Variants in HIPK2 observed in about 807,000 individuals in gnomAD.
The protein encoded by HIPK2 is homeodomain interacting protein kinase 2.
Under a neutral mutation model 113.7 loss-of-function variants are expected in HIPK2, and 27 were observed. The ratio of observed to expected loss-of-function variants is 0.24; its 90% confidence interval spans 0.17 to 0.33. The LOEUF is 0.33. Ranked by LOEUF, HIPK2 falls within the 10% of genes least tolerant of loss-of-function variation. The probability of loss-of-function intolerance (pLI) is 1.00; values close to 1 mark genes in which losing one functional copy is unlikely to be tolerated. For missense variants in HIPK2, 1,257 were observed against 1,588.0 expected (o/e 0.79, Z 3.54); for synonymous variants, 631 against 642.2 (o/e 0.98, Z 0.26).
chr7:139,728,089 G>A (rs867875874), intron 1 of HIPK2, among the ~76,000 whole-genome samples: 8 of 151,782 alleles, frequency 5.3e-5, no homozygotes, highest in Admixed American at 6.6e-5. Context: ...ACAGGTGTGC[G>A]CCATCATGCC....
At chr7:139,766,099 G>A (rs1036221299) in intron 1 of HIPK2, among the ~76,000 whole-genome samples, 1 of 152,208 alleles carries the variant, frequency 6.6e-6, no homozygotes, top group African/African-American at 2.4e-5. Context: ...GCAGCTGGTG[G>A]TCAGGAGTCA....
chr7:139,632,716 G>C (rs1486935616), intron 2 of HIPK2, among the ~76,000 whole-genome samples: 1 of 152,184 alleles, frequency 6.6e-6, no homozygotes, highest in East Asian at 1.9e-4. Flanking sequence ...TGATTAGGTA[G>C]GGGTATGTTT....
At chr7:139,628,889 T>C in intron 5 of HIPK2, 64 bp downstream of exon 5, 1 of 1,365,736 alleles carries the variant, frequency 7.3e-7, no homozygotes, top group Non-Finnish European at 1.0e-6. Flanking sequence ...CTATTACTAT[T>C]GCAGAAGTCT....
chr7:139,635,161 C>T (rs1178954022), intron 2 of HIPK2, among the ~76,000 whole-genome samples: 2 of 152,194 alleles, frequency 1.3e-5, no homozygotes, highest in African/African-American at 2.4e-5. Context: ...GGATCAAGCA[C>T]ATTCTCACCT....
At chr7:139,609,911 G>A (rs529979162) in intron 9 of HIPK2, among the ~76,000 whole-genome samples, 15 of 152,158 alleles carry the variant, frequency 9.9e-5, no homozygotes, top group Non-Finnish European at 1.9e-4. Context: ...TCCATTTTAC[G>A]TGTGCATCAA....
intron 2 of HIPK2, among the ~76,000 whole-genome samples, chr7:139,644,990 T>C (rs1156802766): frequency 6.6e-6 from 1 of 152,390 alleles, no homozygotes; most frequent in Non-Finnish European, 1.5e-5. Context: ...CTGATTTAAA[T>C]GCAAAACTTC....
intron 12 of HIPK2, among the ~76,000 whole-genome samples, chr7:139,590,921 T>C (rs1233145268): frequency 6.6e-6 from 1 of 152,228 alleles, no homozygotes; most frequent in Non-Finnish European, 1.5e-5. Context: ...CATAGCTCAT[T>C]GCAGCCTCGA....
intron 1 of HIPK2, among the ~76,000 whole-genome samples, chr7:139,740,408 G>C (rs926964058): frequency 6.6e-6 from 1 of 152,222 alleles, no homozygotes; most frequent in Non-Finnish European, 1.5e-5. Flanking sequence ...ATGAAGAGGC[G>C]CTCTGTGCAA....
At chr7:139,595,240 C>T (rs1171215042) in intron 12 of HIPK2, among the ~76,000 whole-genome samples, 4 of 152,224 alleles carry the variant, frequency 2.6e-5, no homozygotes, top group Admixed American at 1.3e-4. Flanking sequence ...AGGCTACCCA[C>T]GTGTGGGTGG....
chr7:139,640,073 C>T (rs1800956308), intron 2 of HIPK2, among the ~76,000 whole-genome samples: 1 of 152,062 alleles, frequency 6.6e-6, no homozygotes, highest in African/African-American at 2.4e-5. Context: ...ACAGCTCCAC[C>T]CCATGGAACC....
chr7:139,724,236 C>T (rs1218421468), intron 1 of HIPK2, among the ~76,000 whole-genome samples: 1 of 152,050 alleles, frequency 6.6e-6, no homozygotes, highest in Non-Finnish European at 1.5e-5. Context: ...TGATCTAATA[C>T]CTCAGGGGGT....
At chr7:139,690,251 G>A (rs953609950) in intron 2 of HIPK2, among the ~76,000 whole-genome samples, 3 of 152,044 alleles carry the variant, frequency 2.0e-5, no homozygotes, top group Admixed American at 6.5e-5. Flanking sequence ...CTAGAGCATC[G>A]GTCCCTATTT....
At chr7:139,579,135 G>C (rs566972390) in intron 13 of HIPK2, among the ~76,000 whole-genome samples, 5 of 152,178 alleles carry the variant, frequency 3.3e-5, no homozygotes, top group Admixed American at 6.5e-5. Context: ...GCCAAAATGC[G>C]GTGCTATTGT....
At chr7:139,721,088 C>T (rs553255196) in intron 1 of HIPK2, among the ~76,000 whole-genome samples, 10 of 152,308 alleles carry the variant, frequency 6.6e-5, no homozygotes, top group East Asian at 3.9e-4. Context: ...CCTCAGACTC[C>T]GGCCTGGCCT....
intron 1 of HIPK2, among the ~76,000 whole-genome samples, chr7:139,763,773 T>C (rs964731799): frequency 1.3e-5 from 2 of 152,230 alleles, no homozygotes; most frequent in Non-Finnish European, 2.9e-5. Flanking sequence ...CAGAGCACTT[T>C]TGGTCATGCC....
chr7:139,688,722 T>C (rs564734563), intron 2 of HIPK2, among the ~76,000 whole-genome samples: 65 of 152,278 alleles, frequency 4.3e-4, no homozygotes, highest in African/African-American at 1.5e-3. Flanking sequence ...ACACCAGAGA[T>C]GAGTTCCCAT....
Position 139,676,377 on chromosome 7 carries a change from G to T in HIPK2, c.1103+39555C>A, listed in dbSNP as rs148251242. Among the ~76,000 whole-genome samples, 552 of 152,252 alleles carry T rather than the reference G, an allele frequency of 3.6e-3. 3 individuals carry two copies. The highest frequency in any genetic ancestry group is 6.0e-3 in the Admixed American group (91 of 15,286). On this transcript the variant is annotated intron_variant, in intron 2 of 14. Coordinates refer to ENST00000406875, the MANE Select transcript of HIPK2 (RefSeq NM_022740.5). ...CTACACAATAGTCTCCTTACCAGAA[G>T]TATCCTCACATCCATCACTGACAGT...
intron 7 of HIPK2, 137 bp downstream of exon 7, chr7:139,620,264 T>C: frequency 1.6e-6 from 2 of 1,270,898 alleles, no homozygotes; most frequent in Admixed American, 2.6e-5. Context: ...GGAAATAACC[T>C]TGGATGCAAA....
At chr7:139,697,288 G>C (rs1280266323) in intron 2 of HIPK2, among the ~76,000 whole-genome samples, 1 of 152,180 alleles carries the variant, frequency 6.6e-6, no homozygotes, top group Non-Finnish European at 1.5e-5. Flanking sequence ...GCCTCAGAGA[G>C]AGCTGCAGTA....
Sources: gnomAD v4.1 joint callset for allele counts (sites outside exome capture counted in the v4.1 genomes callset) on GRCh38, gnomAD v4.1.1 for gene constraint, MANE v1.5 for transcripts, NCBI Gene and HGNC (gene_info 2026-07-23, HGNC 2026-07-21) for gene names.